Variants in SGCZ observed in about 807,000 individuals in gnomAD.
SGCZ encodes zeta-sarcoglycan.
SGCZ carries 40 observed loss-of-function variants against 41.3 expected under a neutral mutation model. The observed-to-expected ratio is 0.97, with a 90% confidence interval of 0.75 to 1.26. The LOEUF is 1.26. Ranked by LOEUF, SGCZ falls within the 50% of genes most tolerant of loss-of-function variation. The pLI, the probability that SGCZ is intolerant of heterozygous loss-of-function variation, is 0.00. For missense variants in SGCZ, 552 were observed against 369.8 expected, an observed-to-expected ratio of 1.49 and a Z score of -4.04; for synonymous variants, 206 against 137.5, an observed-to-expected ratio of 1.50 and a Z score of -3.49.
Position 15,078,147 on chromosome 8 carries a change from C to CTTTT in SGCZ, c.39+159434_39+159437dup, listed in dbSNP as rs34411963. ...TGACAGCCTGTTGGCAGGAACTCTT[C>CTTTT]TTTTTTTTTTTTTTTTTTTTTTTTT... On this transcript the variant is annotated intron_variant, in intron 1 of 7. Coordinates refer to ENST00000382080, the MANE Select transcript of SGCZ (RefSeq NM_139167.4). 3.6e-3 allele frequency among the ~76,000 whole-genome samples: 163 copies of CTTTT among 44,810 alleles called. 30 individuals are homozygous for CTTTT. The highest frequency in any genetic ancestry group is 5.0e-3 in the African/African-American group (58 of 11,558). The allele number at this position is 44,810 out of a possible 152,430, so 29.4% of individuals were successfully genotyped here.
chr8:14,503,283 C>A (rs1802207259), intron 2 of SGCZ, among the ~76,000 whole-genome samples: 1 of 151,974 alleles, frequency 6.6e-6, no homozygotes. Flanking sequence ...ACATCACACA[C>A]CGGAGCCTGT....
At chr8:15,206,458 T>TTG (rs1801069883) in intron 1 of SGCZ, among the ~76,000 whole-genome samples, 1 of 150,476 alleles carries the variant, frequency 6.6e-6, no homozygotes, top group Non-Finnish European at 1.5e-5. Flanking sequence ...GAGTCTTTTT[T>TTG]TTTTTTTCTT....
intron 1 of SGCZ, among the ~76,000 whole-genome samples, chr8:14,735,479 T>C (rs931631826): frequency 6.6e-6 from 1 of 152,134 alleles, no homozygotes; most frequent in African/African-American, 2.4e-5. Flanking sequence ...AGACTTCAGG[T>C]TTCCACCCTT....
intron 4 of SGCZ, among the ~76,000 whole-genome samples, chr8:14,219,404 A>C (rs574521708): frequency 1.1e-3 from 173 of 152,286 alleles, no homozygotes; most frequent in African/African-American, 3.8e-3. Context: ...GAAAGGGCCA[A>C]ATTCTAATCC....
At chr8:14,774,827 T>C (rs1051050905) in intron 1 of SGCZ, among the ~76,000 whole-genome samples, 2 of 152,206 alleles carry the variant, frequency 1.3e-5, no homozygotes, top group African/African-American at 4.8e-5. Flanking sequence ...TTATCCTAGC[T>C]GTTTTGCTTC....
chr8:14,522,327 C>A (rs528269426), intron 2 of SGCZ, among the ~76,000 whole-genome samples: 1 of 151,890 alleles, frequency 6.6e-6, no homozygotes. Context: ...CCTGTTAATT[C>A]TTTTTTGAAT....
chr8:14,296,145 A>C (rs1387542134), intron 3 of SGCZ, among the ~76,000 whole-genome samples: 1 of 152,154 alleles, frequency 6.6e-6, no homozygotes, highest in East Asian at 1.9e-4. Flanking sequence ...CTTCAAACTA[A>C]GACTCAACAA....
At chr8:14,175,779 C>T (rs1469587807) in intron 4 of SGCZ, among the ~76,000 whole-genome samples, 1 of 151,990 alleles carries the variant, frequency 6.6e-6, no homozygotes, top group African/African-American at 2.4e-5. Context: ...GGTTAAAAGT[C>T]AATTATAATC....
At chr8:14,176,572 T>A (rs1352603911) in intron 4 of SGCZ, among the ~76,000 whole-genome samples, 1 of 152,124 alleles carries the variant, frequency 6.6e-6, no homozygotes, top group Non-Finnish European at 1.5e-5. Flanking sequence ...ACATTTAAGT[T>A]GAGAAGTTAG....
At chr8:14,793,966 A>T (rs1336612827) in intron 1 of SGCZ, among the ~76,000 whole-genome samples, 1 of 152,212 alleles carries the variant, frequency 6.6e-6, no homozygotes, top group Non-Finnish European at 1.5e-5. Context: ...TACCAGCCAG[A>T]TTATATCCTC....
At chr8:15,197,170 A>T (rs1334161930) in intron 1 of SGCZ, among the ~76,000 whole-genome samples, 1 of 152,222 alleles carries the variant, frequency 6.6e-6, no homozygotes, top group Non-Finnish European at 1.5e-5. Flanking sequence ...TACATTGTTC[A>T]ATCTGCCACA....
intron 2 of SGCZ, among the ~76,000 whole-genome samples, chr8:14,367,099 T>G (rs1488697706): frequency 6.6e-6 from 1 of 152,118 alleles, no homozygotes; most frequent in African/African-American, 2.4e-5. Context: ...AGAAATTTCT[T>G]ACGCCAGATG....
chr8:14,829,651 A>G (rs1453975781), intron 1 of SGCZ, among the ~76,000 whole-genome samples: 1 of 151,858 alleles, frequency 6.6e-6, no homozygotes, highest in Non-Finnish European at 1.5e-5. Flanking sequence ...TATCAGCTAC[A>G]ATATACATTA....
At chr8:14,774,506 T>C (rs1585249444) in intron 1 of SGCZ, among the ~76,000 whole-genome samples, 2 of 152,336 alleles carry the variant, frequency 1.3e-5, no homozygotes, top group East Asian at 3.9e-4. Flanking sequence ...AGAAACCACA[T>C]GTTGCAGCCC....
chr8:14,282,295 T>C (rs954274171), intron 3 of SGCZ, among the ~76,000 whole-genome samples: 1 of 152,130 alleles, frequency 6.6e-6, no homozygotes. Context: ...AGGGGTAGAT[T>C]AGATATCTTC....
At chr8:14,686,677 C>A (rs960154102) in intron 1 of SGCZ, among the ~76,000 whole-genome samples, 2 of 151,854 alleles carry the variant, frequency 1.3e-5, no homozygotes, top group African/African-American at 4.8e-5. Context: ...GTTGCAGGGG[C>A]TGAAATTGTG....
chr8:14,831,849 T>C (rs1161788499), intron 1 of SGCZ, among the ~76,000 whole-genome samples: 1 of 152,168 alleles, frequency 6.6e-6, no homozygotes, highest in Non-Finnish European at 1.5e-5. Context: ...CACATACATG[T>C]ATATAAGTAT....
At chr8:14,924,224 G>C (rs1799675644) in intron 1 of SGCZ, among the ~76,000 whole-genome samples, 2 of 152,092 alleles carry the variant, frequency 1.3e-5, no homozygotes, top group African/African-American at 4.8e-5. Flanking sequence ...ATGTATATAA[G>C]CCTCTAACTT....
At chr8:15,056,953 A>AGAGTG (rs1804729358) in intron 1 of SGCZ, among the ~76,000 whole-genome samples, 1 of 152,146 alleles carries the variant, frequency 6.6e-6, no homozygotes, top group Non-Finnish European at 1.5e-5. Flanking sequence ...GGGTGTTTTG[A>AGAGTG]GAGTGGAATG....
Sources: allele counts gnomAD v4.1 joint callset (sites outside exome capture counted in the v4.1 genomes callset), GRCh38; gene constraint gnomAD v4.1.1; transcripts MANE v1.5; gene names NCBI Gene and HGNC (gene_info 2026-07-23, HGNC 2026-07-21).